Variants in MZT2A observed in about 807,000 individuals in gnomAD.
MZT2A encodes the protein mitotic spindle organizing protein 2A, also known as mitotic-spindle organizing protein 2A.
Under a neutral mutation model 12.4 loss-of-function variants are expected in MZT2A, and 8 were observed. That is an observed-to-expected ratio of 0.64 (90% CI 0.38 to 1.16). The LOEUF (loss-of-function observed/expected upper bound fraction) is 1.16. Ranked by LOEUF, MZT2A falls within the 50% of genes most tolerant of loss-of-function variation. The pLI, the probability that MZT2A is intolerant of heterozygous loss-of-function variation, is 0.01. For synonymous variants in MZT2A, 88 were observed against 107.5 expected, an observed-to-expected ratio of 0.82 and a Z score of 1.12; for missense variants, 181 against 223.6, an observed-to-expected ratio of 0.81 and a Z score of 1.22.
At chr2:131,475,117 T>G (rs1177802559) in intron 2 of MZT2A, among the ~76,000 whole-genome samples, 3 of 149,626 alleles carry the variant, frequency 2.0e-5, no homozygotes, top group Admixed American at 2.0e-4. Flanking sequence ...TGCGCCACCG[T>G]GCCTTGCTAA....
At chr2:131,481,429 C>T (rs977429246), downstream of MZT2A, among the ~76,000 whole-genome samples, 11 of 138,464 alleles carry the variant, frequency 7.9e-5, no homozygotes, top group South Asian at 2.3e-4. Context: ...ACACCATGCC[C>T]GGGTAATTTT....
downstream of MZT2A, chr2:131,480,742 G>A (rs1678834599): frequency 1.6e-5 from 25 of 1,609,702 alleles, no homozygotes; most frequent in Non-Finnish European, 2.1e-5. Flanking sequence ...TGCCCGACTG[G>A]ATTTAAGGTA....
chr2:131,492,398 G>A (rs777801945), upstream of MZT2A: 1,008 of 1,254,696 alleles, frequency 8.0e-4, 3 homozygotes, highest in Middle Eastern at 7.8e-3. Context: ...GCCGAAAGGT[G>A]CGCCCCGCCC....
At chr2:131,472,902 C>T (rs569512575) in intron 2 of MZT2A, among the ~76,000 whole-genome samples, 2 of 147,246 alleles carry the variant, frequency 1.4e-5, no homozygotes, top group East Asian at 3.9e-4. Context: ...GGACTATGGA[C>T]TGAATGGTGT....
chr2:131,489,687 AT>A, intron 2 of MZT2A: 1 of 214,234 alleles, frequency 4.7e-6, no homozygotes, highest in Non-Finnish European at 8.0e-6. Context: ...TAGTTTTTGT[AT>A]TTTTTGTAGA....
At chr2:131,479,169 A>G (rs1678766373), downstream of MZT2A, 11 of 1,373,534 alleles carry the variant, frequency 8.0e-6, no homozygotes, top group South Asian at 1.5e-4. Flanking sequence ...TCTACCAGAC[A>G]CTGCCACTGT....
Position 131,490,969 on chromosome 2 carries a change from C to T in MZT2A, c.319+907G>A, listed in dbSNP as rs1043355762. On this transcript the variant is annotated intron_variant, in intron 2 of 2. Transcript: ENST00000309451. ...AGAGGCCAGCACGCAGGTGCCCGGG[C>T]CCTCTTGGGTCAGCGGGCGTGGGTG... 7.8e-6 allele frequency: 12 copies of T among 1,548,372 alleles called. No individual in the cohort carries two copies. In the Admixed American group the frequency reaches 1.8e-4, roughly 23 times the overall value.
rs1679265244 is a variant in MZT2A at position 131,490,851 on chromosome 2, T to C, written c.319+1025A>G. 26 of 1,549,832 alleles carry C rather than the reference T, an allele frequency of 1.7e-5. No homozygotes were observed. In the South Asian group the frequency reaches 2.9e-4, roughly 17 times the overall value. On this transcript the variant is annotated intron_variant, in intron 2 of 2. Coordinates refer to ENST00000309451, the MANE Select transcript of MZT2A (RefSeq NM_001085365.2). ...TGCGGGCTGGAGGAAAACGAGGGCC[T>C]TGCAGGGGGGCTACTGTTCCTGGCA...
At chr2:131,493,030 C>T (rs912739527), upstream of MZT2A, 10 of 1,484,748 alleles carry the variant, frequency 6.7e-6, no homozygotes, top group Non-Finnish European at 9.0e-6. Flanking sequence ...AAGCGCTTTT[C>T]CCGCCCGGCC....
chr2:131,480,683 G>A (rs544965045), downstream of MZT2A: 19 of 1,613,730 alleles, frequency 1.2e-5, 1 homozygote, highest in South Asian at 5.5e-5. Flanking sequence ...ACGTCAACGC[G>A]GCCATCGCCA....
At chr2:131,478,452 G>C (rs1678746431) in intron 2 of MZT2A, 1 of 1,430,162 alleles carries the variant, frequency 7.0e-7, no homozygotes, top group Non-Finnish European at 9.4e-7. Flanking sequence ...AAAGCCCCGT[G>C]TGGGCTCCTT....
At chr2:131,479,420 G>C (rs994682745), downstream of MZT2A, 13 of 1,614,106 alleles carry the variant, frequency 8.1e-6, no homozygotes, top group East Asian at 2.2e-5. Flanking sequence ...TCGGCAAGGA[G>C]ATTGTTGACC....
At chr2:131,485,053 G>A (rs914991236) in intron 2 of MZT2A, among the ~76,000 whole-genome samples, 8 of 152,192 alleles carry the variant, frequency 5.3e-5, no homozygotes, top group African/African-American at 1.9e-4. Context: ...ACCCTCCAAG[G>A]TACAAACGTG....
intron 2 of MZT2A, among the ~76,000 whole-genome samples, chr2:131,472,861 T>G (rs1409524930): frequency 6.6e-6 from 1 of 151,942 alleles, no homozygotes; most frequent in Admixed American, 6.6e-5. Context: ...CTGAGTTCTG[T>G]GCATGATGTG....
At chr2:131,470,369 A>G in intron 3 of MZT2A, 1 of 1,246,010 alleles carries the variant, frequency 8.0e-7, no homozygotes, top group Non-Finnish European at 1.0e-6. Flanking sequence ...CAGATGTTTT[A>G]TGTTTGCTTA....
At chr2:131,485,136 C>G (rs950792149) in intron 2 of MZT2A, among the ~76,000 whole-genome samples, 1 of 152,154 alleles carries the variant, frequency 6.6e-6, no homozygotes, top group African/African-American at 2.4e-5. Context: ...CTCCCCTGCT[C>G]TGGCCTGGTG....
At chr2:131,492,446 C>T, upstream of MZT2A, 11 of 1,185,356 alleles carry the variant, frequency 9.3e-6, no homozygotes, top group Non-Finnish European at 1.1e-5. Context: ...CCGCCCTCTC[C>T]CTGCAGCGCC....
At chr2:131,492,158 G>C (rs1276709632) in intron 1 of MZT2A, 49 bp downstream of exon 1, 8 of 1,534,164 alleles carry the variant, frequency 5.2e-6, no homozygotes, top group Non-Finnish European at 7.0e-6. Flanking sequence ...CCGGAGAGCA[G>C]AGGTCGGGGG....
intron 2 of MZT2A, chr2:131,490,920 A>G: frequency 1.3e-6 from 2 of 1,549,592 alleles, no homozygotes; most frequent in Non-Finnish European, 1.7e-6. Context: ...ACACAAAGAG[A>G]GCAGACAGAG....
Sources: allele counts gnomAD v4.1 joint callset (sites outside exome capture counted in the v4.1 genomes callset), GRCh38; gene constraint gnomAD v4.1.1; transcripts MANE v1.5; gene names NCBI Gene and HGNC (gene_info 2026-07-23, HGNC 2026-07-21).